FBXW8: variants seen among roughly 807,000 people sequenced by gnomAD.
FBXW8 encodes the protein F-box/WD repeat-containing protein 8.
In FBXW8, 57 loss-of-function variants were observed where a neutral mutation model predicts 65.3. The observed-to-expected ratio is 0.87, with a 90% CI of 0.71 to 1.09. The LOEUF is 1.09. FBXW8 is among the 50% of genes least tolerant of loss of function. The pLI is 0.00. For missense variants in FBXW8, 777 were observed against 814.8 expected (o/e 0.95, Z 0.57); for synonymous variants, 308 against 330.2 (o/e 0.93, Z 0.73).
chr12:116,993,250 C>T (rs527610368), intron 7 of FBXW8, among the ~76,000 whole-genome samples: 19 of 151,734 alleles, frequency 1.3e-4, no homozygotes, highest in African/African-American at 1.7e-4. Flanking sequence ...ATTACAGGCA[C>T]GTGCCACCAC....
intron 4 of FBXW8, among the ~76,000 whole-genome samples, chr12:116,956,008 ACT>A (rs1474439352): frequency 6.6e-6 from 1 of 151,642 alleles, no homozygotes; most frequent in African/African-American, 2.4e-5. Flanking sequence ...TTTGCAATAA[ACT>A]CTCTCCTCAT....
chr12:117,013,819 A>G (rs1308194436), intron 8 of FBXW8, among the ~76,000 whole-genome samples: 2 of 152,050 alleles, frequency 1.3e-5, no homozygotes, highest in Non-Finnish European at 1.5e-5. Context: ...GAAGGCAACA[A>G]TGAATTAATA....
At chr12:116,976,648 T>A (rs1884963703) in intron 5 of FBXW8, among the ~76,000 whole-genome samples, 1 of 150,838 alleles carries the variant, frequency 6.6e-6, no homozygotes, top group African/African-American at 2.4e-5. Context: ...GTATTTTTAT[T>A]AGAGATGGCG....
chr12:116,913,363 C>A (rs557695927), intron 1 of FBXW8, among the ~76,000 whole-genome samples: 36 of 152,158 alleles, frequency 2.4e-4, no homozygotes, highest in Non-Finnish European at 4.0e-4. Context: ...TCCTTGCAGT[C>A]AAAAATCTGT....
intron 1 of FBXW8, among the ~76,000 whole-genome samples, chr12:116,927,215 A>T (rs561619025): frequency 1.3e-5 from 2 of 152,150 alleles, no homozygotes; most frequent in Admixed American, 1.3e-4. Context: ...TCACACTCAT[A>T]TTTCTTTGTG....
intron 8 of FBXW8, among the ~76,000 whole-genome samples, chr12:117,011,221 C>A (rs1047738013): frequency 2.7e-5 from 4 of 147,326 alleles, no homozygotes; most frequent in Admixed American, 6.7e-5. Flanking sequence ...CTGGCGCCCC[C>A]TCCCCTGGGC....
intron 2 of FBXW8, among the ~76,000 whole-genome samples, chr12:116,934,914 C>G (rs770543386): frequency 6.6e-6 from 1 of 152,232 alleles, no homozygotes; most frequent in Non-Finnish European, 1.5e-5. Context: ...TACTCTTTCA[C>G]AGTCTTTGAC....
intron 6 of FBXW8, chr12:116,986,472 C>A (rs1480946736): frequency 1.3e-5 from 2 of 151,920 alleles, no homozygotes; most frequent in Non-Finnish European, 2.9e-5. Context: ...ACTAAAAATA[C>A]AAAAAATTAG....
intron 4 of FBXW8, among the ~76,000 whole-genome samples, chr12:116,962,079 G>T (rs1565915850): frequency 6.6e-6 from 1 of 152,086 alleles, no homozygotes; most frequent in Non-Finnish European, 1.5e-5. Flanking sequence ...CAGTGACCTG[G>T]GACTGATGAT....
intron 7 of FBXW8, among the ~76,000 whole-genome samples, chr12:117,009,360 C>T (rs965466183): frequency 6.6e-6 from 1 of 152,154 alleles, no homozygotes; most frequent in Non-Finnish European, 1.5e-5. Context: ...CCACTGCACT[C>T]CAGCCTGGGT....
rs1339453177 is a variant in FBXW8, at chr12:116,911,676, C to T, written c.318+321C>T. 6.6e-5 allele frequency among the ~76,000 whole-genome samples: 10 copies of T among 152,144 alleles called. No individual in the cohort carries two copies. The East Asian group carries it at 9.7e-4, about 15-fold the overall frequency. ...CCTGAACATCCTACAGTGTACAGGA[C>T]ACCACGCACAAAAAAATTATCCAGG... On this transcript the variant is annotated intron_variant, in intron 1 of 10. Transcript: ENST00000652555.
intron 6 of FBXW8, 81 bp from the exon 7 acceptor site, chr12:116,988,582 A>T: frequency 8.0e-7 from 1 of 1,257,244 alleles, no homozygotes; most frequent in South Asian, 1.2e-5. Flanking sequence ...TGGTCTTCTC[A>T]TTGATGTGTA....
At chr12:117,018,379 C>T (rs1236212708) in intron 8 of FBXW8, among the ~76,000 whole-genome samples, 1 of 152,236 alleles carries the variant, frequency 6.6e-6, no homozygotes, top group Non-Finnish European at 1.5e-5. Flanking sequence ...TCCCTGGAAT[C>T]GGTTGTCTTG....
At chr12:117,020,998 G>A (rs926751971) in intron 8 of FBXW8, among the ~76,000 whole-genome samples, 12 of 152,298 alleles carry the variant, frequency 7.9e-5, no homozygotes, top group Middle Eastern at 3.4e-3. Flanking sequence ...TGGAATTGCC[G>A]GCTCAGAAGT....
rs887604081 is a variant in FBXW8, at chr12:117,028,836, C to T, written c.*664C>T. 6.6e-6 allele frequency: 1 copy of T among 152,462 alleles called. No individual in the cohort carries two copies. The highest frequency in any genetic ancestry group is 1.5e-5 in the Non-Finnish European group (1 of 68,298). The allele number at this position is 152,462 out of a possible 1,614,324, so 9.4% of individuals were successfully genotyped here. On this transcript the variant is annotated 3_prime_UTR_variant, in exon 11 of 11. Transcript: ENST00000652555. The surrounding 1 kb of genome is among the most constrained non-coding windows in gnomAD (Gnocchi z 4.1). ...CAAATATTTTCTAAATATTCATTGACTAAACAGCCATCAAGATGAAACAGG... is the reference window on the plus strand; with the variant it reads ...CAAATATTTTCTAAATATTCATTGATTAAACAGCCATCAAGATGAAACAGG...
At chr12:116,960,065 G>A (rs936058492) in intron 4 of FBXW8, among the ~76,000 whole-genome samples, 18 of 152,240 alleles carry the variant, frequency 1.2e-4, no homozygotes, top group Admixed American at 7.8e-4. Context: ...AATTGGTTGA[G>A]TGTAATTGTC....
chr12:116,976,791 C>T (rs1014156265), intron 5 of FBXW8, among the ~76,000 whole-genome samples: 13 of 152,032 alleles, frequency 8.6e-5, no homozygotes, highest in Non-Finnish European at 7.3e-5. Flanking sequence ...TACAAACATG[C>T]CAGATGTTAC....
intron 5 of FBXW8, among the ~76,000 whole-genome samples, chr12:116,975,520 G>A (rs373191975): frequency 6.6e-6 from 1 of 152,136 alleles, no homozygotes; most frequent in Non-Finnish European, 1.5e-5. Context: ...ATGGTGGTAG[G>A]GGGGACACAA....
chr12:117,020,568 T>G (rs1378904271), intron 8 of FBXW8, among the ~76,000 whole-genome samples: 1 of 152,238 alleles, frequency 6.6e-6, no homozygotes, highest in African/African-American at 2.4e-5. Flanking sequence ...TTTCTTCACA[T>G]TTTTCTTCTG....
Sources: gnomAD v4.1 joint callset for allele counts (sites outside exome capture counted in the v4.1 genomes callset) on GRCh38, gnomAD v4.1.1 for gene constraint, Gnocchi (gnomAD v3.1) non-coding constraint, MANE v1.5 for transcripts, NCBI Gene and HGNC (gene_info 2026-07-23, HGNC 2026-07-21) for gene names.